SP100: variants seen among roughly 807,000 people sequenced by gnomAD.
SP100 encodes SP100 nuclear body protein.
In SP100, 84 loss-of-function variants were observed where a neutral mutation model predicts 130.0. The observed-to-expected ratio is 0.65, with a 90% CI of 0.54 to 0.77. The LOEUF (loss-of-function observed/expected upper bound fraction) is 0.77. SP100 is among the 30% of genes least tolerant of loss of function. The pLI is 0.00. For synonymous variants in SP100, 331 were observed against 351.7 expected, an observed-to-expected ratio of 0.94 and a Z score of 0.66; for missense variants, 978 against 1,052.2, an observed-to-expected ratio of 0.93 and a Z score of 0.97.
chr2:230,478,337 C>A (rs925025420), intron 17 of SP100, among the ~76,000 whole-genome samples: 1 of 152,104 alleles, frequency 6.6e-6, no homozygotes, highest in Non-Finnish European at 1.5e-5. Context: ...ATAAAACCAT[C>A]GATCAGAATT....
At chr2:230,479,301 C>T (rs1000441327) in intron 17 of SP100, among the ~76,000 whole-genome samples, 1 of 152,212 alleles carries the variant, frequency 6.6e-6, no homozygotes, top group Non-Finnish European at 1.5e-5. Context: ...TTTAACACTA[C>T]ATCTTGTGTA....
intron 8 of SP100, among the ~76,000 whole-genome samples, chr2:230,456,596 A>G (rs1364485856): frequency 6.6e-6 from 1 of 152,034 alleles, no homozygotes; most frequent in East Asian, 1.9e-4. Flanking sequence ...TTTCTTCATG[A>G]CTTTTCATTC....
chr2:230,534,515 A>C (rs1691842033), intron 24 of SP100, among the ~76,000 whole-genome samples: 1 of 152,258 alleles, frequency 6.6e-6, no homozygotes, highest in Non-Finnish European at 1.5e-5. Context: ...ACTTTCCAAG[A>C]GTAAAAATTT....
chr2:230,435,457 TA>T (rs2063232467), intron 2 of SP100, among the ~76,000 whole-genome samples: 1 of 152,264 alleles, frequency 6.6e-6, no homozygotes, highest in Admixed American at 6.5e-5. Flanking sequence ...TTTAACCTAT[TA>T]AGAGAAATCT....
In SP100 at chr2:230,506,050, G is replaced by T. The variant is rs78362785; in HGVS notation, c.1871-253G>T. Reference sequence around the variant, plus strand: ...CCTTTGGAATATAGCAAAATACGTTGAAAAGGTAAATGTTGGTAGTAATAT... The same window carrying T: ...CCTTTGGAATATAGCAAAATACGTTTAAAAGGTAAATGTTGGTAGTAATAT... On this transcript the variant is annotated intron_variant, in intron 21 of 28. Transcript: ENST00000340126. 7.9e-3 allele frequency among the ~76,000 whole-genome samples: 1,205 copies of T among 151,986 alleles called. 18 individuals carry two copies. Among genetic ancestry groups the T allele is most frequent in the African/African-American group, 0.028 (1,140 of 41,444 alleles).
intron 12 of SP100, 132 bp downstream of exon 12, chr2:230,466,486 T>A (rs1319747020): frequency 3.3e-6 from 2 of 605,770 alleles, no homozygotes; most frequent in Non-Finnish European, 2.9e-6. Flanking sequence ...TAAATTTGCT[T>A]TAAATTTCAA....
At chr2:230,517,709 G>A (rs1319592398) in intron 24 of SP100, among the ~76,000 whole-genome samples, 1 of 150,596 alleles carries the variant, frequency 6.6e-6, no homozygotes, top group Non-Finnish European at 1.5e-5. Context: ...AGGTTACAGT[G>A]AGCCGAGATT....
At chr2:230,423,615 G>A (rs1182237487) in intron 2 of SP100, among the ~76,000 whole-genome samples, 1 of 152,088 alleles carries the variant, frequency 6.6e-6, no homozygotes, top group Non-Finnish European at 1.5e-5. Context: ...TTTACTTGCA[G>A]TGTTTCTTAT....
At chr2:230,491,082 C>T (rs996563780) in intron 17 of SP100, among the ~76,000 whole-genome samples, 21 of 152,156 alleles carry the variant, frequency 1.4e-4, no homozygotes, top group African/African-American at 4.8e-4. Context: ...CATCTTGTTT[C>T]CATTCTTCTC....
chr2:230,433,378 C>T (rs916355162), intron 2 of SP100, among the ~76,000 whole-genome samples: 4 of 152,164 alleles, frequency 2.6e-5, no homozygotes, highest in Non-Finnish European at 5.9e-5. Flanking sequence ...TATGCCAGTA[C>T]TGTCTTGATT....
chr2:230,473,725 G>T (rs1351140867), intron 16 of SP100, among the ~76,000 whole-genome samples: 1 of 152,150 alleles, frequency 6.6e-6, no homozygotes, highest in Non-Finnish European at 1.5e-5. Context: ...TTTGGGAACT[G>T]CAGGGAGGCA....
At chr2:230,474,234 G>A (rs560241914) in intron 16 of SP100, among the ~76,000 whole-genome samples, 160 bp from the exon 17 acceptor site, 1 of 152,316 alleles carries the variant, frequency 6.6e-6, no homozygotes, top group Admixed American at 6.5e-5. Context: ...GAAGACCTTA[G>A]ACATCAATTC....
chr2:230,539,118 C>A (rs948876796), intron 24 of SP100, 149 bp from the exon 25 acceptor site: 6 of 522,518 alleles, frequency 1.1e-5, no homozygotes, highest in African/African-American at 1.1e-4. Context: ...TTGCCGCAGA[C>A]CAAAATGTCT....
chr2:230,447,090 C>A (rs2063744114), intron 5 of SP100, among the ~76,000 whole-genome samples, 188 bp downstream of exon 5: 1 of 152,100 alleles, frequency 6.6e-6, no homozygotes, highest in South Asian at 2.1e-4. Flanking sequence ...GGCTCAATAA[C>A]CATGAGGGAA....
intron 18 of SP100, 91 bp downstream of exon 18, chr2:230,494,551 C>T: frequency 1.1e-6 from 1 of 928,202 alleles, no homozygotes; most frequent in South Asian, 1.4e-5. Context: ...CTCAGAATCT[C>T]CTATGGGCCA....
Position 230,541,035 on chromosome 2 carries a change from T to C in SP100, c.2331+39T>C, listed in dbSNP as rs780688993. Reference sequence around the variant, plus strand: ...TGAACCTGAAGCCTCTTCCTTTCTGTTCACCTGGGCAGGAGAAGCACAGTC... The same window carrying C: ...TGAACCTGAAGCCTCTTCCTTTCTGCTCACCTGGGCAGGAGAAGCACAGTC... On this transcript the variant is annotated intron_variant, in intron 26 of 28. Coordinates refer to ENST00000340126, the MANE Select transcript of SP100 (RefSeq NM_001080391.2). 5 of 1,586,612 alleles carry C rather than the reference T, an allele frequency of 3.2e-6. No individual in the cohort carries two copies. The South Asian group carries it at 5.7e-5, about 18-fold the overall frequency.
chr2:230,534,298 C>T (rs949138348), intron 24 of SP100, among the ~76,000 whole-genome samples: 18 of 151,944 alleles, frequency 1.2e-4, no homozygotes, highest in Non-Finnish European at 1.2e-4. Flanking sequence ...CCCAGCTACT[C>T]GGGAGGCTGA....
chr2:230,516,690 A>T (rs2150091429), intron 24 of SP100, among the ~76,000 whole-genome samples: 1 of 152,312 alleles, frequency 6.6e-6, no homozygotes, highest in East Asian at 1.9e-4. Context: ...CCTTTTCCAT[A>T]AAAAAGCAAT....
At chr2:230,523,002 A>T (rs746428397) in intron 24 of SP100, among the ~76,000 whole-genome samples, 4 of 151,648 alleles carry the variant, frequency 2.6e-5, no homozygotes, top group Non-Finnish European at 5.9e-5. Context: ...TTTAGCAGAG[A>T]CAGGGTTTCA....
Sources: gnomAD v4.1 joint callset for allele counts (sites outside exome capture counted in the v4.1 genomes callset) on GRCh38, gnomAD v4.1.1 for gene constraint, MANE v1.5 for transcripts, NCBI Gene and HGNC (gene_info 2026-07-23, HGNC 2026-07-21) for gene names.